The following H1-8 variants were observed in gnomAD, a reference collection of about 807,000 sequenced individuals.
H1-8 encodes histone H1.8.
Under a neutral mutation model 19.5 loss-of-function variants are expected in H1-8, and 13 were observed. The observed-to-expected ratio is 0.67, with a 90% CI of 0.43 to 1.06. The LOEUF (loss-of-function observed/expected upper bound fraction) is 1.06. Among genes scored for constraint, H1-8 ranks in the 50% least tolerant of loss-of-function variants. The probability of loss-of-function intolerance (pLI) is 0.00; values close to 1 mark genes in which losing one functional copy is unlikely to be tolerated. For synonymous variants in H1-8, 193 were observed against 187.6 expected (o/e 1.03, Z -0.24); for missense variants, 432 against 459.8 (o/e 0.94, Z 0.55).
chr3:129,547,669 G>T lies in H1-8; in HGVS notation c.367G>T (p.Gly123Cys). The change falls in exon 2 of 5, where the codon GGC becomes TGC. Residue 123 changes from glycine to cysteine, a missense_variant. Physicochemically the swap from Gly to Cys is radical, Grantham distance 159. Coordinates refer to ENST00000324382, the MANE Select transcript of H1-8 (RefSeq NM_153833.3). Reference sequence around the variant, plus strand: ...CAACTCCAAAGCCAGGGGGGCCACTGGCAGCTTCAAAGTAAGCGCCCCTGA... The same window carrying T: ...CAACTCCAAAGCCAGGGGGGCCACTTGCAGCTTCAAAGTAAGCGCCCCTGA... ...PLNSKARGAT[G>C]SFKLVPKHKK... is the part of the protein sequence containing the mutation. 6.5e-7 allele frequency: 1 copy of T among 1,542,266 alleles called. No individual in the cohort carries two copies. The highest frequency in any genetic ancestry group is 1.2e-5 in the South Asian group (1 of 83,890).
In H1-8 at chr3:129,547,657, AG is replaced by A; in HGVS notation, c.361del (p.Ala121ProfsTer7). On this transcript the variant is annotated frameshift_variant, in exon 2 of 5. Transcript: ENST00000324382. LOFTEE classifies it high-confidence loss of function. ...LLARPLNSKA[R>X]GATGSFKLVP... ...CGCCAGGCCCCTCAACTCCAAAGCC[AG>A]GGGGGCCACTGGCAGCTTCAAAGTA... The A allele has an allele frequency of 1.9e-6, 3 of 1,544,304 alleles. No homozygotes were observed. Among genetic ancestry groups the A allele is most frequent in the African/African-American group, 1.4e-5 (1 of 72,950 alleles).
At position 129,546,283 on chromosome 3, in the gene H1-8, C is replaced by T. The variant is rs139371722; in HGVS notation, c.89-1108C>T. On this transcript the variant is annotated intron_variant, in intron 1 of 4. Transcript: ENST00000324382. ...AGGCTGCAGTGAGCCATGATTGTGGCACTGCACTCCAGCTTGGGTGACAGA... is the reference window on the plus strand; with the variant it reads ...AGGCTGCAGTGAGCCATGATTGTGGTACTGCACTCCAGCTTGGGTGACAGA... 2.3e-3 allele frequency among the ~76,000 whole-genome samples: 356 copies of T among 152,180 alleles called. 1 individual carries two copies. Among genetic ancestry groups the T allele is most frequent in the Non-Finnish European group, 4.0e-3 (270 of 68,010 alleles).
At chr3:129,543,743 C>T (rs779863053) in intron 1 of H1-8, among the ~76,000 whole-genome samples, 2 of 152,130 alleles carry the variant, frequency 1.3e-5, no homozygotes, top group Non-Finnish European at 2.9e-5. Context: ...GAGGGTGCAC[C>T]GAGGCAAACC....
rs56301839 is a variant in H1-8, at chr3:129,546,122, CAATAATAAT to C, written c.89-1241_89-1233del. Among the ~76,000 whole-genome samples, 601 of 139,222 alleles carry C rather than the reference CAATAATAAT, an allele frequency of 4.3e-3. 1 individual carries two copies. Among genetic ancestry groups the C allele is most frequent in the African/African-American group, 9.5e-3 (341 of 36,014 alleles). The allele number at this position is 139,222 out of a possible 152,430, so 91.3% of individuals were successfully genotyped here. ...TGAGACCTGTGTCAAATAACAATAA[CAATAATAAT>C]AATAATAATAATAATAATAATAATA... On this transcript the variant is annotated intron_variant, in intron 1 of 4. Transcript: ENST00000324382.
chr3:129,544,352 A>G (rs570409320), intron 1 of H1-8, among the ~76,000 whole-genome samples: 2 of 151,452 alleles, frequency 1.3e-5, no homozygotes, highest in Non-Finnish European at 1.5e-5. Context: ...TACAGCGAGG[A>G]GAATGCATGC....
intron 2 of H1-8, chr3:129,548,489 C>CTT (rs1409633473): frequency 3.2e-5 from 32 of 988,096 alleles, no homozygotes; most frequent in Non-Finnish European, 3.8e-5. Flanking sequence ...AGTTTCTAGT[C>CTT]TTGGTGATGG....
In H1-8 at chr3:129,551,147, TGGCCAA is replaced by T. The variant is rs777868387; in HGVS notation, c.859_864del (p.Lys287_Ala288del). 7 of 1,614,016 alleles carry T rather than the reference TGGCCAA, an allele frequency of 4.3e-6. No individual in the cohort carries two copies. Among genetic ancestry groups the T allele is most frequent in the South Asian group, 3.3e-5 (3 of 91,080 alleles). ...GCTTCCCCGACCAAAAAGAAGGTGG[TGGCCAA>T]GGCCAAGGCCCCTAAAGCTGGGCAG... On this transcript the variant is annotated inframe_deletion, in exon 5 of 5. Coordinates refer to ENST00000324382, the MANE Select transcript of H1-8 (RefSeq NM_153833.3).
intron 1 of H1-8, among the ~76,000 whole-genome samples, chr3:129,543,598 T>C (rs2084867544): frequency 6.6e-6 from 1 of 152,234 alleles, no homozygotes; most frequent in Non-Finnish European, 1.5e-5. Flanking sequence ...GGAGCCCGTT[T>C]CCTGCTGGGA....
intron 1 of H1-8, among the ~76,000 whole-genome samples, chr3:129,545,553 A>C (rs985869813): frequency 6.6e-6 from 1 of 152,216 alleles, no homozygotes; most frequent in African/African-American, 2.4e-5. Flanking sequence ...GAATATTTTC[A>C]TCACTTCAAG....
chr3:129,547,712 G>A, intron 2 of H1-8, 32 bp downstream of exon 2: 1 of 1,511,216 alleles, frequency 6.6e-7, no homozygotes, highest in Non-Finnish European at 8.8e-7. Flanking sequence ...CATAGCCCAG[G>A]GTTGGAGCAA....
Position 129,548,985 on chromosome 3 carries a change from C to A in H1-8, c.379-16C>A. On this transcript the variant is annotated splice_polypyrimidine_tract_variant and intron_variant, in intron 2 of 4. Coordinates refer to ENST00000324382, the MANE Select transcript of H1-8 (RefSeq NM_153833.3). ...CTGAGGCTCTGCTTTCAGCCCCACC[C>A]CGTGTCCTTCTCCAGTTAGTTCCCA... 6.3e-7 allele frequency: 1 copy of A among 1,590,096 alleles called. No homozygotes were observed. Among genetic ancestry groups the A allele is most frequent in the African/African-American group, 1.4e-5 (1 of 74,014 alleles).
At position 129,549,321 on chromosome 3, in the gene H1-8, G is replaced by C. The variant is rs777789288; in HGVS notation, c.699G>C (p.Gly233=). The change falls in exon 3 of 5, where the codon GGG becomes GGC. Residue 233 remains glycine (G), a synonymous_variant. Transcript: ENST00000324382. The part of the protein sequence containing the change: ...KAMRAPSSAG[G]LSRKAKAKGS... ...TGCGGGCACCTTCCAGTGCTGGTGG[G>C]CTCAGCAGGAAGGCAAAGGCCAAAG... The C allele has an allele frequency of 8.7e-6, 14 of 1,606,682 alleles. No individual in the cohort carries two copies. Among genetic ancestry groups the C allele is most frequent in the South Asian group, 3.3e-5 (3 of 89,814 alleles).
Position 129,547,482 on chromosome 3 carries a change from G to A in H1-8, c.180G>A (p.Leu60=). 6.4e-7 allele frequency: 1 copy of A among 1,556,448 alleles called. No homozygotes were observed. The highest frequency in any genetic ancestry group is 8.7e-7 in the Non-Finnish European group (1 of 1,150,344). ...RRHPPVLRMV[L]EALQAGEQRR... ...ACCCCCCGGTGCTACGCATGGTGCTGGAGGCGCTGCAGGCTGGGGAGCAGC... is the reference window on the plus strand; with the variant it reads ...ACCCCCCGGTGCTACGCATGGTGCTAGAGGCGCTGCAGGCTGGGGAGCAGC... Residue 60 remains leucine, a synonymous_variant, in exon 2 of 5, where the codon CTG becomes CTA. Transcript: ENST00000324382.
rs116198078 is a variant in H1-8 at position 129,548,441 on chromosome 3, T to C, written c.379-560T>C. Reference sequence around the variant, plus strand: ...GGAGAAGAGCCAGAGGGGCGTCAGGTGTCTGATGCGGTGTGCTGGCAGTTG... The same window carrying C: ...GGAGAAGAGCCAGAGGGGCGTCAGGCGTCTGATGCGGTGTGCTGGCAGTTG... On this transcript the variant is annotated intron_variant, in intron 2 of 4. Coordinates refer to ENST00000324382, the MANE Select transcript of H1-8 (RefSeq NM_153833.3). The C allele has an allele frequency of 5.5e-4, 544 of 986,890 alleles. 2 individuals carry two copies. The African/African-American group carries it at 8.9e-3, about 16-fold the overall frequency. The allele number at this position is 986,890 out of a possible 1,614,324, so 61.1% of individuals were successfully genotyped here.
rs2108755794 is a variant in H1-8 at position 129,549,075 on chromosome 3, G to A, written c.453G>A (p.Glu151=). The change falls in exon 3 of 5, where the codon GAG becomes GAA. Residue 151 remains glutamate, a synonymous_variant. Coordinates refer to ENST00000324382, the MANE Select transcript of H1-8 (RefSeq NM_153833.3). ...APATAPRRAG[E]AKGKGPKKPS... ...CGACGGCTCCCAGGAGAGCGGGTGA[G>A]GCCAAGGGGAAGGGCCCCAAGAAAC... The A allele has an allele frequency of 1.2e-6, 2 of 1,611,770 alleles. No homozygotes were observed. Among genetic ancestry groups the A allele is most frequent in the East Asian group, 2.2e-5 (1 of 44,800 alleles).
At chr3:129,547,163 C>T (rs1196935322) in intron 1 of H1-8, among the ~76,000 whole-genome samples, 1 of 152,186 alleles carries the variant, frequency 6.6e-6, no homozygotes, top group African/African-American at 2.4e-5. Flanking sequence ...CGCCATTGCA[C>T]TCCAGCCTGG....
intron 2 of H1-8, 53 bp downstream of exon 2, chr3:129,547,733 C>T: frequency 2.1e-6 from 3 of 1,444,058 alleles, no homozygotes; most frequent in East Asian, 2.5e-5. Context: ...TGGTCCTGGC[C>T]TCTGTGAGTG....
chr3:129,547,094 G>A (rs2084894140), intron 1 of H1-8, among the ~76,000 whole-genome samples: 1 of 152,210 alleles, frequency 6.6e-6, no homozygotes, highest in Non-Finnish European at 1.5e-5. Context: ...CTACTTGGGA[G>A]GCTGAGGCAG....
chr3:129,549,411 C>A, intron 3 of H1-8, 47 bp downstream of exon 3: 1 of 1,517,230 alleles, frequency 6.6e-7, no homozygotes, highest in Non-Finnish European at 8.8e-7. Context: ...GGGGTCTTGA[C>A]AGCCACTGGA....
Sources: allele counts gnomAD v4.1 joint callset (sites outside exome capture counted in the v4.1 genomes callset), GRCh38; gene constraint gnomAD v4.1.1; transcripts MANE v1.5; gene names NCBI Gene and HGNC (gene_info 2026-07-23, HGNC 2026-07-21).